The following GALNT13 variants were observed in gnomAD, a reference collection of about 807,000 sequenced individuals.
GALNT13 encodes UDP-GalNAc:polypeptide N-acetylgalactosaminyltransferase 13.
GALNT13 carries 28 observed loss-of-function variants against 64.2 expected under a neutral mutation model. That is an observed-to-expected ratio of 0.44 (90% CI 0.32 to 0.60). The LOEUF (loss-of-function observed/expected upper bound fraction) is 0.60, where lower values mean the gene tolerates loss of function less well. GALNT13 is among the 20% of genes least tolerant of loss of function. The pLI is 0.05. For missense variants in GALNT13, 577 were observed against 669.8 expected (o/e 0.86, Z 1.53); for synonymous variants, 214 against 224.6 (o/e 0.95, Z 0.42).
chr2:154,127,744 G>A (rs1177747983), intron 3 of GALNT13, among the ~76,000 whole-genome samples: 4 of 149,338 alleles, frequency 2.7e-5, no homozygotes, highest in Non-Finnish European at 5.9e-5. Flanking sequence ...ATGTGTATAT[G>A]TGCATATATG....
chr2:154,151,885 A>G lies in GALNT13; in HGVS notation c.311+11380A>G, dbSNP rs576003243. Among the ~76,000 whole-genome samples, 10 of 152,088 alleles carry G rather than the reference A, an allele frequency of 6.6e-5. No homozygotes were observed. In the East Asian group the frequency reaches 1.2e-3, roughly 18 times the overall value. ...CTGATGGGTCTTGACTCTTTATCCA[A>G]TTTGCCAGTCTGTGTCTTTTAATTG... On this transcript the variant is annotated intron_variant, in intron 4 of 12. Transcript: ENST00000392825.
the GALNT13 span, among the ~76,000 whole-genome samples, chr2:153,599,260 T>C: frequency 2.0e-5 from 3 of 152,120 alleles, no homozygotes; most frequent in Non-Finnish European, 4.4e-5. Context: ...TTTTCTCTTC[T>C]AGCTATCTCA....
intron 3 of GALNT13, among the ~76,000 whole-genome samples, chr2:154,030,600 A>C (rs1231861204): frequency 2.6e-5 from 4 of 152,046 alleles, no homozygotes; most frequent in African/African-American, 9.7e-5. Flanking sequence ...TCCCCACCGA[A>C]ATCTCACATC....
chr2:154,159,180 G>A (rs1414081407), intron 4 of GALNT13, among the ~76,000 whole-genome samples: 2 of 151,510 alleles, frequency 1.3e-5, no homozygotes, highest in African/African-American at 4.8e-5. Flanking sequence ...TGTTGCCCAG[G>A]CTGGAATGCA....
the GALNT13 span, among the ~76,000 whole-genome samples, chr2:153,434,854 T>C: frequency 6.6e-6 from 1 of 152,142 alleles, no homozygotes; most frequent in South Asian, 2.1e-4. Flanking sequence ...TTTGTCAATT[T>C]TGTCTTTTGT....
chr2:154,029,689 G>T (rs2105302887), intron 3 of GALNT13, among the ~76,000 whole-genome samples: 1 of 152,154 alleles, frequency 6.6e-6, no homozygotes, highest in African/African-American at 2.4e-5. Flanking sequence ...AAAAAAATGG[G>T]CACACTGCCA....
At chr2:153,782,397 G>C in the GALNT13 span, among the ~76,000 whole-genome samples, 3 of 152,094 alleles carry the variant, frequency 2.0e-5, no homozygotes, top group Non-Finnish European at 4.4e-5. Flanking sequence ...ACAGCATCCT[G>C]TTCAGTTCCT....
chr2:153,265,508 C>T, the GALNT13 span, among the ~76,000 whole-genome samples: 2 of 152,280 alleles, frequency 1.3e-5, no homozygotes, highest in Non-Finnish European at 2.9e-5. Context: ...CCTCTAAGTG[C>T]ATAGATTCTC....
Position 153,944,578 on chromosome 2 carries a change from C to A in GALNT13, c.81C>A (p.Tyr27Ter). ...WVLVDVFLLL[Y>*]FSECNKCDDK... is the part of the protein sequence containing the mutation. ...TTGTTGATGTCTTCTTACTGCTGTA[C>A]TTCAGTGAATGTAACAAATGTGATG... Residue 27 changes from tyrosine to a stop codon, truncating the protein, a stop_gained, in exon 3 of 13, where the codon TAC (tyrosine) becomes TAA (stop). Coordinates refer to ENST00000392825, the MANE Select transcript of GALNT13 (RefSeq NM_052917.4). LOFTEE classifies it high-confidence loss of function. The A allele has an allele frequency of 6.2e-7, 1 of 1,613,532 alleles. No homozygotes were observed. The highest frequency in any genetic ancestry group is 8.5e-7 in the Non-Finnish European group (1 of 1,179,602).
chr2:154,051,056 T>G (rs1356239560), intron 3 of GALNT13, among the ~76,000 whole-genome samples: 2 of 151,946 alleles, frequency 1.3e-5, no homozygotes, highest in South Asian at 2.1e-4. Context: ...GACGGAGAGA[T>G]AGTGCTCAGA....
the GALNT13 span, among the ~76,000 whole-genome samples, chr2:153,609,436 C>T: frequency 6.6e-6 from 1 of 152,190 alleles, no homozygotes; most frequent in South Asian, 2.1e-4. Context: ...CCTGCCACCC[C>T]TGTTGACTTC....
rs568555924 is a variant in GALNT13, at chr2:154,406,170, T to C, written c.1297-2814T>C. On this transcript the variant is annotated intron_variant, in intron 10 of 12. Coordinates refer to ENST00000392825, the MANE Select transcript of GALNT13 (RefSeq NM_052917.4). ...TGGCATGTTTCTTGATGTCTTTATT[T>C]GTCTTATAACTCACATTCGATTCAA... Among the ~76,000 whole-genome samples the C allele has an allele frequency of 1.0e-3, 159 of 152,304 alleles. 1 individual carries two copies. Among genetic ancestry groups the C allele is most frequent in the Non-Finnish European group, 1.9e-3 (128 of 68,028 alleles).
At chr2:153,326,783 T>G in the GALNT13 span, among the ~76,000 whole-genome samples, 39 of 152,344 alleles carry the variant, frequency 2.6e-4, no homozygotes, top group African/African-American at 9.1e-4. Flanking sequence ...GGTTGAAAAT[T>G]CTTTTCTTTA....
At chr2:154,193,633 A>G (rs551320035) in intron 4 of GALNT13, among the ~76,000 whole-genome samples, 1 of 152,210 alleles carries the variant, frequency 6.6e-6, no homozygotes, top group Non-Finnish European at 1.5e-5. Flanking sequence ...GAAACTCTTG[A>G]TTCAGTGCTG....
At chr2:154,353,631 A>G (rs999948302) in intron 9 of GALNT13, among the ~76,000 whole-genome samples, 1 of 151,980 alleles carries the variant, frequency 6.6e-6, no homozygotes, top group African/African-American at 2.4e-5. Context: ...TGACCTTTTT[A>G]TTTTAATTTC....
intron 12 of GALNT13, 126 bp from the exon 13 acceptor site, chr2:154,450,285 C>G: frequency 1.4e-6 from 1 of 729,538 alleles, no homozygotes; most frequent in East Asian, 2.8e-5. Flanking sequence ...GTTCCTTTTA[C>G]AAAGCTATCA....
the GALNT13 span, among the ~76,000 whole-genome samples, chr2:153,401,269 G>C: frequency 6.6e-6 from 1 of 151,964 alleles, no homozygotes; most frequent in Non-Finnish European, 1.5e-5. Flanking sequence ...GTTCTAGTTT[G>C]ATTGCACTGT....
the GALNT13 span, among the ~76,000 whole-genome samples, chr2:153,642,994 A>G: frequency 2.6e-5 from 4 of 151,658 alleles, no homozygotes; most frequent in East Asian, 7.7e-4. Context: ...AAAAATCATT[A>G]TAATTGACTA....
the GALNT13 span, among the ~76,000 whole-genome samples, chr2:153,488,301 C>T: frequency 2.0e-5 from 3 of 152,210 alleles, no homozygotes; most frequent in South Asian, 2.1e-4. Context: ...TTGTTGTAGT[C>T]TGTGTCTGCA....
Sources: gnomAD v4.1 joint callset for allele counts (sites outside exome capture counted in the v4.1 genomes callset) on GRCh38, gnomAD v4.1.1 for gene constraint, MANE v1.5 for transcripts, NCBI Gene and HGNC (gene_info 2026-07-23, HGNC 2026-07-21) for gene names.